The following SLC35F5 variants were observed in gnomAD, a reference collection of about 807,000 sequenced individuals.
The protein encoded by SLC35F5 is solute carrier family 35 member F5.
SLC35F5 carries 54 observed loss-of-function variants against 68.6 expected under a neutral mutation model. The ratio of observed to expected loss-of-function variants is 0.79; its 90% confidence interval spans 0.63 to 0.99. The LOEUF is 0.99. SLC35F5 is among the 50% of genes least tolerant of loss of function. The probability of loss-of-function intolerance (pLI) is 0.00; values close to 1 mark genes in which losing one functional copy is unlikely to be tolerated. For missense variants in SLC35F5, 567 were observed against 626.9 expected (o/e 0.90, Z 1.02); for synonymous variants, 211 against 205.2 (o/e 1.03, Z -0.24).
rs756457631 is a variant in SLC35F5 at position 113,717,780 on chromosome 2, T to C, written c.1567A>G (p.Ser523Gly). The C allele has an allele frequency of 6.2e-7, 1 of 1,612,822 alleles. No individual in the cohort carries two copies. The highest frequency in any genetic ancestry group is 2.2e-5 in the East Asian group (1 of 44,840). Residue 523 changes from serine (S) to glycine (G), a missense_variant, in exon 15 of 16, where the codon AGT (serine) becomes GGT (glycine). Physicochemically the swap from Ser to Gly is moderately conservative, Grantham distance 56. Coordinates refer to ENST00000245680, the MANE Select transcript of SLC35F5 (RefSeq NM_025181.5). ...GGGCTACAGACAACAGACAGCTAAC[T>C]AGCTCCATCCTCCTGAGAAACACTG... ...MHSVSQEDGA[S>G] is the part of the protein sequence containing the mutation.
At chr2:113,746,520 C>T (rs1676489497) in intron 4 of SLC35F5, among the ~76,000 whole-genome samples, 181 bp from the exon 5 acceptor site, 1 of 152,162 alleles carries the variant, frequency 6.6e-6, no homozygotes, top group African/African-American at 2.4e-5. Context: ...GTATTATCTT[C>T]ATTTTATTGA....
Position 113,756,629 on chromosome 2 carries a change from A to T in SLC35F5, c.-220T>A. 1 of 1,271,524 alleles carries T rather than the reference A, an allele frequency of 7.9e-7. No individual in the cohort carries two copies. The highest frequency in any genetic ancestry group is 3.2e-5 in the Admixed American group (1 of 31,160). 78.8% of individuals were successfully genotyped at this position (1,271,524 alleles called of 1,614,324 possible). A position where few individuals can be genotyped will look rare whatever the true frequency, so the allele number is the denominator to read the frequency against. On this transcript the variant is annotated 5_prime_UTR_variant, in exon 1 of 16. Coordinates refer to ENST00000245680, the MANE Select transcript of SLC35F5 (RefSeq NM_025181.5). Reference sequence around the variant, plus strand: ...ACGGCACAGTCAGCTATGGCCGCGGAGGCCCGGAGATCTGCTCTGGCCCCG... The same window carrying T: ...ACGGCACAGTCAGCTATGGCCGCGGTGGCCCGGAGATCTGCTCTGGCCCCG...
downstream of SLC35F5, among the ~76,000 whole-genome samples, chr2:113,705,873 A>G (rs1411170834): frequency 6.6e-5 from 10 of 151,858 alleles, no homozygotes; most frequent in Non-Finnish European, 1.3e-4. Flanking sequence ...TTAAAGAGGC[A>G]ATAATGTTCT....
At chr2:113,728,241 G>A (rs1030626614) in intron 11 of SLC35F5, among the ~76,000 whole-genome samples, 2 of 152,054 alleles carry the variant, frequency 1.3e-5, no homozygotes, top group African/African-American at 2.4e-5. Flanking sequence ...TTTTATTTTT[G>A]TTAGTCTTTA....
chr2:113,741,590 A>G (rs776669174), intron 7 of SLC35F5, among the ~76,000 whole-genome samples: 3 of 151,596 alleles, frequency 2.0e-5, no homozygotes, highest in Non-Finnish European at 4.4e-5. Context: ...AATCCCAGCT[A>G]CTCGTGGGGC....
chr2:113,717,970 C>A, intron 14 of SLC35F5, 120 bp from the exon 15 acceptor site: 1 of 582,256 alleles, frequency 1.7e-6, no homozygotes. Context: ...GCAGAACCAA[C>A]ACTAGGATAA....
rs1361185417 is a variant in SLC35F5, at chr2:113,706,847, T to C, written c.*8371A>G. Among the ~76,000 whole-genome samples, 1 of 152,222 alleles carries C rather than the reference T, an allele frequency of 6.6e-6. No homozygotes were observed. The highest frequency in any genetic ancestry group is 1.9e-4 in the East Asian group (1 of 5,204). On this transcript the variant is annotated 3_prime_UTR_variant, in exon 16 of 16. Transcript: ENST00000245680. ...TATAAATAGAATATACAAATGATTTTACACAAATGAAGCATTAAAAATCAC... is the reference window on the plus strand; with the variant it reads ...TATAAATAGAATATACAAATGATTTCACACAAATGAAGCATTAAAAATCAC...
At chr2:113,739,729 T>C (rs1688220074) in intron 7 of SLC35F5, among the ~76,000 whole-genome samples, 1 of 152,138 alleles carries the variant, frequency 6.6e-6, no homozygotes, top group African/African-American at 2.4e-5. Flanking sequence ...AGTTGACCCT[T>C]GAACAACATG....
At position 113,756,115 on chromosome 2, in the gene SLC35F5, C is replaced by T. The variant is rs60042590; in HGVS notation, c.40+255G>A. The T allele has an allele frequency of 3.3e-4, 477 of 1,444,222 alleles. No homozygotes were observed. The African/African-American group carries it at 4.0e-3, about 12-fold the overall frequency. The allele number at this position is 1,444,222 out of a possible 1,614,324, so 89.5% of individuals were successfully genotyped here. On this transcript the variant is annotated intron_variant, in intron 1 of 15. Coordinates refer to ENST00000245680, the MANE Select transcript of SLC35F5 (RefSeq NM_025181.5). The stretch of plus-strand genomic sequence containing the variant: ...AAGAAATCATCCTTCTGTTTTGGAG[C>T]GGGGAAGACAGTTAAGGCAGCGACG...
chr2:113,709,678 A>G lies in SLC35F5; in HGVS notation c.*5540T>C, dbSNP rs943133519. Among the ~76,000 whole-genome samples, 2 of 152,192 alleles carry G rather than the reference A, an allele frequency of 1.3e-5. No individual in the cohort carries two copies. The highest frequency in any genetic ancestry group is 2.9e-5 in the Non-Finnish European group (2 of 68,020). On this transcript the variant is annotated 3_prime_UTR_variant, in exon 16 of 16. Transcript: ENST00000245680. ...TGCTCTTCTCAGAGTAATAATCTGC[A>G]AAGTGTGGTCCTGGGACCAGCAGCT...
rs2104955915 is a variant in SLC35F5, at chr2:113,712,661, A to T, written c.*2557T>A. 6.6e-6 allele frequency: 1 copy of T among 152,342 alleles called. No homozygotes were observed. The highest frequency in any genetic ancestry group is 1.9e-4 in the East Asian group (1 of 5,182). The allele number at this position is 152,342 out of a possible 1,614,324, so 9.4% of individuals were successfully genotyped here. A position where few individuals can be genotyped will look rare whatever the true frequency, so the allele number is the denominator to read the frequency against. On this transcript the variant is annotated 3_prime_UTR_variant, in exon 16 of 16. Transcript: ENST00000245680. ...CTGCCTCATTTTTCAGCTTTGTTGTAGTTGAGATTCTGATGTTCACCTAAC... is the reference window on the plus strand; with the variant it reads ...CTGCCTCATTTTTCAGCTTTGTTGTTGTTGAGATTCTGATGTTCACCTAAC...
At position 113,710,982 on chromosome 2, in the gene SLC35F5, A is replaced by G. The variant is rs747410775; in HGVS notation, c.*4236T>C. Among the ~76,000 whole-genome samples the G allele has an allele frequency of 1.6e-4, 24 of 152,234 alleles. No individual in the cohort carries two copies. The highest frequency in any genetic ancestry group is 3.1e-4 in the Non-Finnish European group (21 of 68,040). On this transcript the variant is annotated 3_prime_UTR_variant, in exon 16 of 16. Transcript: ENST00000245680. Reference sequence around the variant, plus strand: ...ACAACGATCTAAGTGAAAGTTAATAAAAGTAGCTCTTCAGAAAGACATCTC... The same window carrying G: ...ACAACGATCTAAGTGAAAGTTAATAGAAGTAGCTCTTCAGAAAGACATCTC...
chr2:113,740,805 T>G (rs999286098), intron 7 of SLC35F5, among the ~76,000 whole-genome samples: 5 of 152,154 alleles, frequency 3.3e-5, no homozygotes, highest in Non-Finnish European at 7.4e-5. Flanking sequence ...TTTTGTATTT[T>G]TAGTAGAGAT....
intron 8 of SLC35F5, 79 bp downstream of exon 8, chr2:113,735,698 T>C: frequency 1.1e-6 from 1 of 875,474 alleles, no homozygotes; most frequent in Non-Finnish European, 1.8e-6. Context: ...AAGATAAAAA[T>C]GTTGTACATG....
intron 1 of SLC35F5, chr2:113,755,799 A>C: frequency 4.0e-6 from 6 of 1,497,210 alleles, no homozygotes; most frequent in Non-Finnish European, 5.5e-6. Flanking sequence ...ATTTAAGAAC[A>C]GTTAACTACC....
Position 113,756,535 on chromosome 2 carries a change from A to G in SLC35F5, c.-126T>C. On this transcript the variant is annotated 5_prime_UTR_variant, in exon 1 of 16. Coordinates refer to ENST00000245680, the MANE Select transcript of SLC35F5 (RefSeq NM_025181.5). ...AGCTCCTGAAGACGCGGTGCCCCTC[A>G]GGGAGAGGCTCCCGACACCACCCAA... is the stretch of plus-strand genomic sequence containing the variant. The G allele has an allele frequency of 6.7e-7, 1 of 1,485,450 alleles. No individual in the cohort carries two copies. Among genetic ancestry groups the G allele is most frequent in the Admixed American group, 2.2e-5 (1 of 46,060 alleles). 92.0% of individuals were successfully genotyped at this position (1,485,450 alleles called of 1,614,324 possible).
intron 12 of SLC35F5, among the ~76,000 whole-genome samples, chr2:113,724,751 C>T (rs1687591241): frequency 6.6e-6 from 1 of 152,214 alleles, no homozygotes; most frequent in South Asian, 2.1e-4. Flanking sequence ...AAGTATAAAG[C>T]TCTGTTATTT....
intron 3 of SLC35F5, among the ~76,000 whole-genome samples, chr2:113,752,626 A>G (rs1421901755): frequency 1.3e-5 from 2 of 152,228 alleles, no homozygotes; most frequent in Admixed American, 6.5e-5. Flanking sequence ...GATACATCCA[A>G]TAGGAAAAAT....
rs987593831 is a variant in SLC35F5, at chr2:113,712,441, C to G, written c.*2777G>C. Among the ~76,000 whole-genome samples the G allele has an allele frequency of 6.6e-6, 1 of 152,180 alleles. No homozygotes were observed. Among genetic ancestry groups the G allele is most frequent in the Non-Finnish European group, 1.5e-5 (1 of 68,026 alleles). On this transcript the variant is annotated 3_prime_UTR_variant, in exon 16 of 16. Coordinates refer to ENST00000245680, the MANE Select transcript of SLC35F5 (RefSeq NM_025181.5). The stretch of plus-strand genomic sequence containing the variant: ...ACGCCATTCTGCTGCCTCAGCCTCC[C>G]GAGCAGCTGGGACTACAGGCGCCGC...
Sources: gnomAD v4.1 joint callset for allele counts (sites outside exome capture counted in the v4.1 genomes callset) on GRCh38, gnomAD v4.1.1 for gene constraint, MANE v1.5 for transcripts, NCBI Gene and HGNC (gene_info 2026-07-23, HGNC 2026-07-21) for gene names.